FREM2: variants seen among roughly 807,000 people sequenced by gnomAD.
The protein encoded by FREM2 is FRAS1 related extracellular matrix 2.
Under a neutral mutation model 219.9 loss-of-function variants are expected in FREM2, and 119 were observed. The observed-to-expected ratio is 0.54, with a 90% CI of 0.47 to 0.63. FREM2 has a LOEUF of 0.63. FREM2 is among the 30% of genes least tolerant of loss of function. The pLI, the probability that FREM2 is intolerant of heterozygous loss-of-function variation, is 0.00. For missense variants in FREM2, 4,030 were observed against 3,993.6 expected, an observed-to-expected ratio of 1.01 and a Z score of -0.25; for synonymous variants, 1,562 against 1,522.8, an observed-to-expected ratio of 1.03 and a Z score of -0.60.
intron 18 of FREM2, among the ~76,000 whole-genome samples, chr13:38,875,168 A>T (rs201587557): frequency 3.0e-5 from 2 of 67,130 alleles, no homozygotes; most frequent in Non-Finnish European, 5.7e-5. Flanking sequence ...TTTTTTTTTA[A>T]CAAGGACATT....
rs1210730881 is a variant in FREM2 at position 38,884,488 on chromosome 13, C to T, written c.*3701C>T. 1 of 151,982 alleles carries T rather than the reference C, an allele frequency of 6.6e-6. No individual in the cohort carries two copies. Among genetic ancestry groups the T allele is most frequent in the Admixed American group, 6.6e-5 (1 of 15,248 alleles). 9.4% of individuals were successfully genotyped at this position (151,982 alleles called of 1,614,324 possible). On this transcript the variant is annotated 3_prime_UTR_variant, in exon 24 of 24. Transcript: ENST00000280481. ...ACTTATTTAGTATTGACTTGGAAGC[C>T]AATTTGGTCCTTTAATAAGTAAAGA...
Position 38,878,305 on chromosome 13 carries a change from A to T in FREM2, c.8843A>T (p.Tyr2948Phe). The change falls in exon 22 of 24, where the codon TAT becomes TTT. Residue 2948 changes from tyrosine (Y) to phenylalanine (F), a missense_variant. Tyr to Phe is a conservative substitution (Grantham distance 22). This residue lies in a region of FREM2 where 928 missense variants were observed against 1,042.9 expected (regional missense o/e 0.89). Coordinates refer to ENST00000280481, the MANE Select transcript of FREM2 (RefSeq NM_207361.6). ...GCLADSPSLL[Y>F]RFKIVDKAQP... ...TTAGCCGACTCTCCTTCACTCTTAT[A>T]TAGATTTAAAATTGTGGTAAGTGCT... 1.2e-6 allele frequency: 2 copies of T among 1,612,982 alleles called. No homozygotes were observed. Among genetic ancestry groups the T allele is most frequent in the Non-Finnish European group, 1.7e-6 (2 of 1,179,550 alleles).
intron 2 of FREM2, among the ~76,000 whole-genome samples, chr13:38,699,863 T>C (rs1870272698): frequency 6.6e-6 from 1 of 152,126 alleles, no homozygotes; most frequent in Non-Finnish European, 1.5e-5. Flanking sequence ...AGTGCAATAC[T>C]GTTTAAACTT....
At chr13:38,752,117 A>T (rs937668046) in intron 2 of FREM2, among the ~76,000 whole-genome samples, 6 of 152,214 alleles carry the variant, frequency 3.9e-5, no homozygotes, top group African/African-American at 1.4e-4. Context: ...GTGAAAAACA[A>T]GTGTATGACA....
chr13:38,876,838 G>T (rs1209492510), intron 20 of FREM2, among the ~76,000 whole-genome samples: 2 of 152,110 alleles, frequency 1.3e-5, no homozygotes, highest in African/African-American at 2.4e-5. Flanking sequence ...TACTGACAAT[G>T]ATATTTACAA....
chr13:38,769,079 C>T (rs997977120), intron 3 of FREM2, among the ~76,000 whole-genome samples: 5 of 152,184 alleles, frequency 3.3e-5, no homozygotes, highest in African/African-American at 7.2e-5. Flanking sequence ...TTAGAGAATA[C>T]TATCACTTTT....
rs1869877064 is a variant in FREM2 at position 38,691,755 on chromosome 13, T to C, written c.4411T>C (p.Cys1471Arg). 1 of 1,614,140 alleles carries C rather than the reference T, an allele frequency of 6.2e-7. No individual in the cohort carries two copies. Among genetic ancestry groups the C allele is most frequent in the East Asian group, 2.2e-5 (1 of 44,874 alleles). ...GGCTCCCATGCGAGGTCACCTGGAA[T>C]GCACGGATCAGCCTGGTGTGTCCAT... is the stretch of plus-strand genomic sequence containing the variant. ...TRAPMRGHLE[C>R]TDQPGVSITS... is the part of the protein sequence containing the mutation. The change falls in exon 1 of 24, where the codon TGC (cysteine) becomes CGC (arginine). Residue 1471 changes from cysteine to arginine, a missense_variant. Cys to Arg is a radical substitution (Grantham distance 180). Around this residue, in one of 2 missense-constraint regions of FREM2, gnomAD observed 3,102 missense variants for 2,950.7 expected, o/e 1.05. Transcript: ENST00000280481.
chr13:38,721,972 C>G (rs1871287670), intron 2 of FREM2, among the ~76,000 whole-genome samples: 1 of 152,048 alleles, frequency 6.6e-6, no homozygotes, highest in Non-Finnish European at 1.5e-5. Context: ...CCAAGACAGC[C>G]CCAGTAATCT....
At chr13:38,847,952 G>T (rs913631411) in intron 7 of FREM2, among the ~76,000 whole-genome samples, 2 of 152,186 alleles carry the variant, frequency 1.3e-5, no homozygotes, top group Non-Finnish European at 2.9e-5. Flanking sequence ...GGTGGATGGA[G>T]TGTGGGCAGA....
At chr13:38,766,641 T>A (rs1217465448) in intron 3 of FREM2, among the ~76,000 whole-genome samples, 1 of 152,238 alleles carries the variant, frequency 6.6e-6, no homozygotes, top group Non-Finnish European at 1.5e-5. Flanking sequence ...TAAGAAACCA[T>A]GAATTACTGA....
At chr13:38,766,581 A>G (rs1873444103) in intron 3 of FREM2, among the ~76,000 whole-genome samples, 1 of 152,230 alleles carries the variant, frequency 6.6e-6, no homozygotes, top group South Asian at 2.1e-4. Flanking sequence ...GACTTTTAGA[A>G]TGAGATAGAT....
chr13:38,875,359 T>G (rs935124932), intron 18 of FREM2, among the ~76,000 whole-genome samples: 7 of 152,150 alleles, frequency 4.6e-5, no homozygotes, highest in Non-Finnish European at 1.0e-4. Context: ...CAAAAGAGAA[T>G]AGGGCTGAAT....
intron 1 of FREM2, among the ~76,000 whole-genome samples, chr13:38,697,361 T>C (rs1870154564): frequency 6.6e-6 from 1 of 152,198 alleles, no homozygotes; most frequent in South Asian, 2.1e-4. Context: ...CCTCAAAATA[T>C]CTTCCTTTCC....
chr13:38,689,019 C>A lies in FREM2; in HGVS notation c.1675C>A (p.Gln559Lys), dbSNP rs1270636463. ...FPITLVPVDD[Q>K]PPVLNANTGL... is the part of the protein sequence containing the mutation. The stretch of plus-strand genomic sequence containing the variant: ...CATCACCTTAGTGCCTGTGGATGAC[C>A]AGCCACCTGTTCTCAATGCCAACAC... Residue 559 changes from glutamine (Q) to lysine (K), a missense_variant, in exon 1 of 24, where the codon CAG (glutamine) becomes AAG (lysine). By Grantham distance (53) the Gln-to-Lys change is moderately conservative. This residue lies in a region of FREM2 where 3,102 missense variants were observed against 2,950.7 expected (regional missense o/e 1.05). Transcript: ENST00000280481. 2 of 1,613,940 alleles carry A rather than the reference C, an allele frequency of 1.2e-6. No homozygotes were observed. The highest frequency in any genetic ancestry group is 1.7e-6 in the Non-Finnish European group (2 of 1,179,900).
chr13:38,817,299 C>T (rs940770438), intron 6 of FREM2, among the ~76,000 whole-genome samples: 65 of 152,006 alleles, frequency 4.3e-4, no homozygotes, highest in African/African-American at 1.5e-3. Flanking sequence ...CATACTACCT[C>T]ACTTCAAAAT....
At chr13:38,868,917 G>C (rs1273666036) in intron 16 of FREM2, among the ~76,000 whole-genome samples, 4 of 152,174 alleles carry the variant, frequency 2.6e-5, no homozygotes, top group African/African-American at 9.7e-5. Flanking sequence ...TGCTTCAGAG[G>C]CTTCGTGGTT....
chr13:38,765,055 T>C (rs1010948724), intron 3 of FREM2, among the ~76,000 whole-genome samples: 1 of 152,126 alleles, frequency 6.6e-6, no homozygotes. Context: ...GGACTACAGG[T>C]GCCCACCACC....
chr13:38,762,552 G>A (rs1873270707), intron 2 of FREM2, among the ~76,000 whole-genome samples: 1 of 151,894 alleles, frequency 6.6e-6, no homozygotes. Flanking sequence ...CGATTCTCCT[G>A]CCTCAGCCTC....
chr13:38,818,056 A>G (rs1283887546), intron 6 of FREM2, among the ~76,000 whole-genome samples: 1 of 152,132 alleles, frequency 6.6e-6, no homozygotes, highest in African/African-American at 2.4e-5. Flanking sequence ...GAATGTGGAG[A>G]AAAGGGAACA....
Sources: allele counts gnomAD v4.1 joint callset (sites outside exome capture counted in the v4.1 genomes callset), GRCh38; gene constraint gnomAD v4.1.1; regional missense constraint gnomAD v4.1.1; transcripts MANE v1.5; gene names NCBI Gene and HGNC (gene_info 2026-07-23, HGNC 2026-07-21).